Variants in MMP26 observed in about 807,000 individuals in gnomAD.
MMP26 encodes the protein matrix metallopeptidase 26.
A neutral mutation model predicts 31.0 loss-of-function variants in MMP26; 33 were observed. The observed-to-expected ratio is 1.06, with a 90% CI of 0.81 to 1.42. The LOEUF is 1.42. Ranked by LOEUF, MMP26 falls within the 40% of genes most tolerant of loss-of-function variation. MMP26 has a pLI of 0.00. For synonymous variants in MMP26, 122 were observed against 114.9 expected (o/e 1.06, Z -0.40); for missense variants, 347 against 316.1 (o/e 1.10, Z -0.74).
At chr11:4,883,787 A>C (rs1850511371) in intron 2 of MMP26, among the ~76,000 whole-genome samples, 1 of 152,070 alleles carries the variant, frequency 6.6e-6, no homozygotes, top group African/African-American at 2.4e-5. Context: ...TTTATTAACA[A>C]TATTTGTTTT....
At chr11:4,903,653 G>A (rs556385112) in intron 2 of MMP26, 1 of 152,036 alleles carries the variant, frequency 6.6e-6, no homozygotes, top group African/African-American at 2.4e-5. Flanking sequence ...ACCAGCCCCA[G>A]GCCTAACCCT....
intron 2 of MMP26, among the ~76,000 whole-genome samples, chr11:4,809,851 T>A (rs1849326060): frequency 6.6e-6 from 1 of 152,186 alleles, no homozygotes; most frequent in Admixed American, 6.5e-5. Context: ...CTATGACTCC[T>A]AATGCTTTCT....
rs1002121692 is a variant in MMP26, at chr11:4,742,935, A to T, written c.-216-24335A>T. ...TATTAGCCATGCAAGATAAAAAATT[A>T]GAGAGGTTAAATAATTTGCACTCTT... On this transcript the variant is annotated intron_variant, in intron 1 of 7. Coordinates refer to ENST00000380390, the MANE Select transcript of MMP26 (RefSeq NM_021801.5). 5.9e-5 allele frequency among the ~76,000 whole-genome samples: 9 copies of T among 152,298 alleles called. 1 individual carries two copies. In the South Asian group the frequency reaches 1.7e-3, roughly 28 times the overall value.
intron 2 of MMP26, among the ~76,000 whole-genome samples, chr11:4,927,777 C>T (rs182385306): frequency 1.3e-5 from 2 of 152,102 alleles, no homozygotes; most frequent in Non-Finnish European, 2.9e-5. Flanking sequence ...AGGGGCCTTT[C>T]CCAAGTCTGA....
intron 2 of MMP26, among the ~76,000 whole-genome samples, chr11:4,968,188 G>A (rs1031819937): frequency 9.9e-5 from 15 of 152,034 alleles, no homozygotes; most frequent in African/African-American, 3.1e-4. Context: ...AGAGCATACC[G>A]TAAACAGAAA....
At chr11:4,917,734 A>G (rs1373780977) in intron 2 of MMP26, among the ~76,000 whole-genome samples, 1 of 152,148 alleles carries the variant, frequency 6.6e-6, no homozygotes, top group Non-Finnish European at 1.5e-5. Context: ...GGTTAACAAT[A>G]TACTTTTTAT....
At chr11:4,924,217 G>C (rs763927191) in intron 2 of MMP26, 15 of 1,614,184 alleles carry the variant, frequency 9.3e-6, no homozygotes, top group African/African-American at 1.3e-5. Context: ...GGTTCCCCAA[G>C]ATAACTGTCA....
chr11:4,782,307 G>A (rs1032387401), intron 2 of MMP26, among the ~76,000 whole-genome samples: 5 of 152,194 alleles, frequency 3.3e-5, no homozygotes, highest in Admixed American at 2.0e-4. Flanking sequence ...TGAGGAACTT[G>A]TTGGGAATTG....
At chr11:4,880,858 T>G (rs1022000741) in intron 2 of MMP26, among the ~76,000 whole-genome samples, 8 of 152,090 alleles carry the variant, frequency 5.3e-5, no homozygotes, top group African/African-American at 1.7e-4. Flanking sequence ...TGTTAACAAA[T>G]TAACAGAAGG....
intron 2 of MMP26, among the ~76,000 whole-genome samples, chr11:4,834,195 G>A (rs1039470183): frequency 1.2e-4 from 18 of 152,194 alleles, no homozygotes; most frequent in Admixed American, 1.2e-3. Context: ...AGATACATAA[G>A]GAGGTTCGTG....
chr11:4,859,344 C>A (rs1850107580), intron 2 of MMP26, among the ~76,000 whole-genome samples: 1 of 152,170 alleles, frequency 6.6e-6, no homozygotes, highest in Non-Finnish European at 1.5e-5. Context: ...AATTTGTTCT[C>A]ACTGATGCTC....
At chr11:4,899,554 C>T (rs951842875) in intron 2 of MMP26, among the ~76,000 whole-genome samples, 2 of 152,096 alleles carry the variant, frequency 1.3e-5, no homozygotes, top group African/African-American at 4.8e-5. Context: ...CAGGCTAAGG[C>T]TATTTCACTT....
intron 2 of MMP26, among the ~76,000 whole-genome samples, chr11:4,968,514 A>G (rs1846625157): frequency 9.0e-6 from 1 of 111,480 alleles, no homozygotes; most frequent in East Asian, 2.7e-4. Flanking sequence ...AAGTGTGAAG[A>G]CTTGATTCTC....
chr11:4,773,256 G>A (rs1349648820), intron 2 of MMP26, among the ~76,000 whole-genome samples: 4 of 152,148 alleles, frequency 2.6e-5, no homozygotes, highest in African/African-American at 9.7e-5. Flanking sequence ...ATATGGCAAA[G>A]TTGACAGGAT....
chr11:4,923,561 A>C (rs1851217560), intron 2 of MMP26: 1 of 1,614,042 alleles, frequency 6.2e-7, no homozygotes, highest in African/African-American at 1.3e-5. Context: ...CACAAGAGAC[A>C]AGCCAATCAT....
chr11:4,904,593 T>C (rs1259153935), intron 2 of MMP26, among the ~76,000 whole-genome samples: 1 of 152,136 alleles, frequency 6.6e-6, no homozygotes, highest in Admixed American at 6.6e-5. Flanking sequence ...CTCTTTGGTT[T>C]CAGATACCAC....
chr11:4,724,159 AC>A (rs747380807), intron 1 of MMP26: 2 of 576,108 alleles, frequency 3.5e-6, no homozygotes, highest in Non-Finnish European at 6.2e-6. Flanking sequence ...CTTCTGGGTT[AC>A]CCTGATGGAC....
chr11:4,900,166 G>A (rs959709087), intron 2 of MMP26, among the ~76,000 whole-genome samples: 5 of 152,166 alleles, frequency 3.3e-5, no homozygotes, highest in Non-Finnish European at 7.3e-5. Context: ...GCATGGTTGT[G>A]TGTCTACTGT....
chr11:4,766,644 G>A (rs1409633054), intron 1 of MMP26, among the ~76,000 whole-genome samples: 2 of 150,646 alleles, frequency 1.3e-5, no homozygotes, highest in East Asian at 3.9e-4. Flanking sequence ...CAAATGGGCT[G>A]TTTGGAAACT....
Sources: gnomAD v4.1 joint callset for allele counts (sites outside exome capture counted in the v4.1 genomes callset) on GRCh38, gnomAD v4.1.1 for gene constraint, MANE v1.5 for transcripts, NCBI Gene and HGNC (gene_info 2026-07-23, HGNC 2026-07-21) for gene names.